Variants in SLC30A10 observed in about 807,000 individuals in gnomAD.
The protein encoded by SLC30A10 is calcium/manganese antiporter SLC30A10.
A neutral mutation model predicts 21.7 loss-of-function variants in SLC30A10; 8 were observed. That is an observed-to-expected ratio of 0.37 (90% CI 0.22 to 0.67). The LOEUF (loss-of-function observed/expected upper bound fraction) is 0.67, where lower values mean the gene tolerates loss of function less well. Among genes scored for constraint, SLC30A10 ranks in the 30% least tolerant of loss-of-function variants. The probability of loss-of-function intolerance (pLI) is 0.58; values close to 1 mark genes in which losing one functional copy is unlikely to be tolerated. For synonymous variants in SLC30A10, 272 were observed against 279.4 expected (o/e 0.97, Z 0.26); for missense variants, 521 against 642.5 (o/e 0.81, Z 2.04).
rs1659511649 is a variant in SLC30A10 at position 219,915,489 on chromosome 1, G to C, written c.1418C>G (p.Thr473Ser). Residue 473 changes from threonine to serine, a missense_variant, in exon 4 of 4, where the codon ACT becomes AGT. Physicochemically the swap from Thr to Ser is moderately conservative, Grantham distance 58. Coordinates refer to ENST00000366926, the MANE Select transcript of SLC30A10 (RefSeq NM_018713.3). The stretch of plus-strand genomic sequence containing the variant: ...GTTGACATAACATTGGTCCTCCTGA[G>C]TTTTGTTAAGACTTTGTCCGTGGTC... ...LSDHGQSLNK[T>S]QEDQCYVNRT... 2 of 1,614,228 alleles carry C rather than the reference G, an allele frequency of 1.2e-6. No homozygotes were observed. The highest frequency in any genetic ancestry group is 4.5e-5 in the East Asian group (2 of 44,888).
rs764095188 is a variant in SLC30A10 at position 219,918,438 on chromosome 1, C to A, written c.775G>T (p.Ala259Ser). Residue 259 changes from alanine (A) to serine (S), a missense_variant, in exon 3 of 4, where the codon GCC becomes TCC. Transcript: ENST00000366926. The surrounding 1 kb of genome is among the most constrained non-coding windows in gnomAD (Gnocchi z 4.4). ...AGGGGAAGCACATAGAATATGATGG[C>A]CGTGATGACCACAACCACGGACCCC... ...ALGSVVVVITAIIFYVLPLKS... is the reference protein window; with the variant it reads ...ALGSVVVVITSIIFYVLPLKS... The A allele has an allele frequency of 1.2e-6, 2 of 1,613,534 alleles. No individual in the cohort carries two copies. Among genetic ancestry groups the A allele is most frequent in the Non-Finnish European group, 1.7e-6 (2 of 1,179,634 alleles).
At chr1:219,926,299 AG>A (rs988107456) in intron 2 of SLC30A10, among the ~76,000 whole-genome samples, 3 of 152,204 alleles carry the variant, frequency 2.0e-5, no homozygotes, top group African/African-American at 7.2e-5. Context: ...AGGAAAGTAG[AG>A]GGTTGCTTAA....
intron 1 of SLC30A10, among the ~76,000 whole-genome samples, chr1:219,939,844 G>A (rs1389251284): frequency 6.6e-6 from 1 of 152,210 alleles, no homozygotes; most frequent in Non-Finnish European, 1.5e-5. Flanking sequence ...AAGGTGACAA[G>A]ATCCTGGACT....
chr1:219,919,899 C>T (rs1012366025), intron 2 of SLC30A10, among the ~76,000 whole-genome samples: 5 of 152,020 alleles, frequency 3.3e-5, no homozygotes, highest in African/African-American at 4.8e-5. Context: ...ATTCCACAGA[C>T]TTATGCAGTA....
chr1:219,923,282 TCAAGGTAGCTTTG>T lies in SLC30A10; in HGVS notation c.718+3733_718+3745del, dbSNP rs1226277750. 2.0e-5 allele frequency among the ~76,000 whole-genome samples: 3 copies of T among 152,326 alleles called. No homozygotes were observed. In the East Asian group the frequency reaches 5.8e-4, roughly 29 times the overall value. On this transcript the variant is annotated intron_variant, in intron 2 of 3. Transcript: ENST00000366926. ...AATCACCTGCTAAGTTACAATGCTC[TCAAGGTAGCTTTG>T]CAAAGACAGCAAACCTCTGTACTTG...
intron 1 of SLC30A10, among the ~76,000 whole-genome samples, chr1:219,949,068 C>T (rs531423347): frequency 2.6e-5 from 4 of 152,030 alleles, no homozygotes; most frequent in Non-Finnish European, 4.4e-5. Context: ...GATACCATCT[C>T]ACACCAGTTA....
chr1:219,941,892 T>C (rs1660128206), intron 1 of SLC30A10, among the ~76,000 whole-genome samples: 1 of 152,202 alleles, frequency 6.6e-6, no homozygotes, highest in Non-Finnish European at 1.5e-5. Flanking sequence ...GAAAACTTGG[T>C]GCCATAATCG....
At chr1:219,921,089 AT>A (rs967090064) in intron 2 of SLC30A10, among the ~76,000 whole-genome samples, 1 of 152,210 alleles carries the variant, frequency 6.6e-6, no homozygotes, top group Non-Finnish European at 1.5e-5. Context: ...ATTGTAACTA[AT>A]TTTTTTAACT....
rs1447817511 is a variant in SLC30A10 at position 219,914,820 on chromosome 1, T to C, written c.*629A>G. On this transcript the variant is annotated 3_prime_UTR_variant, in exon 4 of 4. Coordinates refer to ENST00000366926, the MANE Select transcript of SLC30A10 (RefSeq NM_018713.3). ...CAGCAGAAAGTAAACATTAGTTTTC[T>C]CTCACCTCACAAAATGTAGAGATGG... is the stretch of plus-strand genomic sequence containing the variant. 6.6e-6 allele frequency: 1 copy of C among 152,382 alleles called. No individual in the cohort carries two copies. The highest frequency in any genetic ancestry group is 6.5e-5 in the Admixed American group (1 of 15,290). 9.4% of individuals were successfully genotyped at this position (152,382 alleles called of 1,614,324 possible). A position where few individuals can be genotyped will look rare whatever the true frequency, so the allele number is the denominator to read the frequency against.
intron 1 of SLC30A10, among the ~76,000 whole-genome samples, chr1:219,951,253 C>T (rs1285343215): frequency 6.6e-6 from 1 of 151,832 alleles, no homozygotes; most frequent in Admixed American, 6.6e-5. Flanking sequence ...GAGCCACCGC[C>T]CCTGGCTGTA....
chr1:219,954,813 C>T (rs907026041), intron 1 of SLC30A10, among the ~76,000 whole-genome samples: 1 of 151,754 alleles, frequency 6.6e-6, no homozygotes, highest in Non-Finnish European at 1.5e-5. Flanking sequence ...TGGCAGGCCC[C>T]GTCTATCCCA....
chr1:219,953,293 C>T (rs1660293850), intron 1 of SLC30A10, among the ~76,000 whole-genome samples: 1 of 152,056 alleles, frequency 6.6e-6, no homozygotes, highest in South Asian at 2.1e-4. Context: ...CTTCCCTTTT[C>T]TAGTTTGAAA....
At chr1:219,956,560 T>C (rs1311878526) in intron 1 of SLC30A10, among the ~76,000 whole-genome samples, 1 of 151,300 alleles carries the variant, frequency 6.6e-6, no homozygotes, top group Non-Finnish European at 1.5e-5. Flanking sequence ...ACACCTATAA[T>C]CCCAGTGCTT....
intron 2 of SLC30A10, among the ~76,000 whole-genome samples, chr1:219,922,922 G>A (rs1230693172): frequency 6.6e-6 from 1 of 152,180 alleles, no homozygotes; most frequent in Non-Finnish European, 1.5e-5. Context: ...TAGGAAAAGG[G>A]AGAGGCAGAA....
chr1:219,927,723 C>T (rs531610923), intron 1 of SLC30A10, 78 bp downstream of exon 1: 5 of 1,242,218 alleles, frequency 4.0e-6, no homozygotes, highest in Admixed American at 4.2e-5. Context: ...AAAAAGAGGG[C>T]GTGGGGTGAG....
At chr1:219,940,599 G>T (rs1237502980) in intron 1 of SLC30A10, among the ~76,000 whole-genome samples, 1 of 152,236 alleles carries the variant, frequency 6.6e-6, no homozygotes. Context: ...AACTATAAGA[G>T]AGGAGAAGAC....
intron 1 of SLC30A10, among the ~76,000 whole-genome samples, chr1:219,947,021 A>C (rs537691928): frequency 6.6e-6 from 1 of 152,150 alleles, no homozygotes; most frequent in South Asian, 2.1e-4. Context: ...ACCTTAAGAG[A>C]GTTTCTTCAG....
chr1:219,919,900 T>A (rs1468325501), intron 2 of SLC30A10, among the ~76,000 whole-genome samples: 1 of 152,150 alleles, frequency 6.6e-6, no homozygotes. Flanking sequence ...TTCCACAGAC[T>A]TATGCAGTAG....
rs868776637 is a variant in SLC30A10 at position 219,928,127 on chromosome 1, G to A, written c.314C>T (p.Ala105Val). 2.3e-5 allele frequency: 36 copies of A among 1,565,690 alleles called. No homozygotes were observed. The highest frequency in any genetic ancestry group is 2.9e-5 in the Non-Finnish European group (34 of 1,156,056). The change falls in exon 1 of 4, where the codon GCC becomes GTC. Residue 105 changes from alanine (A) to valine (V), a missense_variant. Physicochemically the swap from Ala to Val is moderately conservative, Grantham distance 64. Transcript: ENST00000366926. The surrounding 1 kb of genome is among the most constrained non-coding windows in gnomAD (Gnocchi z 6.3). ...TIFVEAVLRLARPERIDDPEL... is the reference protein window; with the variant it reads ...TIFVEAVLRLVRPERIDDPEL... ...GGGGTCATCGATGCGCTCGGGCCGG[G>A]CCAGGCGCAGCACGGCCTCCACGAA...
Sources: gnomAD v4.1 joint callset for allele counts (sites outside exome capture counted in the v4.1 genomes callset) on GRCh38, gnomAD v4.1.1 for gene constraint, Gnocchi (gnomAD v3.1) non-coding constraint, MANE v1.5 for transcripts, NCBI Gene and HGNC (gene_info 2026-07-23, HGNC 2026-07-21) for gene names.